Variants in SYT1 observed in about 807,000 individuals in gnomAD.
SYT1 encodes the protein synaptotagmin 1.
SYT1 carries 8 observed loss-of-function variants against 44.8 expected under a neutral mutation model. That is an observed-to-expected ratio of 0.18 (90% CI 0.10 to 0.32). SYT1 has a LOEUF of 0.32. Among genes scored for constraint, SYT1 ranks in the 10% least tolerant of loss-of-function variants. The pLI is 1.00. For missense variants in SYT1, 286 were observed against 509.3 expected (o/e 0.56, Z 4.22); for synonymous variants, 154 against 188.8 (o/e 0.82, Z 1.51).
intron 3 of SYT1, among the ~76,000 whole-genome samples, chr12:79,158,813 C>T (rs1409946727): frequency 6.6e-6 from 1 of 151,992 alleles, no homozygotes; most frequent in Non-Finnish European, 1.5e-5. Flanking sequence ...AGGAGAATCA[C>T]TTGAGCCCAG....
At position 79,391,711 on chromosome 12, in the gene SYT1, C is replaced by T. The variant is rs143380135; in HGVS notation, c.928+38092C>T. Among the ~76,000 whole-genome samples, 19 of 152,150 alleles carry T rather than the reference C, an allele frequency of 1.2e-4. No individual in the cohort carries two copies. In the East Asian group the frequency reaches 3.3e-3, roughly 26 times the overall value. The stretch of plus-strand genomic sequence containing the variant: ...CCGCCCCCCAACAGTTTTGAGTAGA[C>T]AGTAAGAATTACAAATGATTACACC... On this transcript the variant is annotated intron_variant, in intron 9 of 10. Coordinates refer to ENST00000261205, the MANE Select transcript of SYT1 (RefSeq NM_005639.3).
intron 1 of SYT1, among the ~76,000 whole-genome samples, chr12:78,916,851 C>G (rs1374580639): frequency 1.3e-5 from 2 of 151,878 alleles, no homozygotes; most frequent in Non-Finnish European, 2.9e-5. Context: ...CCTATGTACC[C>G]CCATTCTCAC....
rs117762229 is a variant in SYT1 at position 78,951,415 on chromosome 12, G to A, written c.-216-26384G>A. Among the ~76,000 whole-genome samples the A allele has an allele frequency of 5.5e-3, 840 of 152,212 alleles. 6 individuals carry two copies. The highest frequency in any genetic ancestry group is 8.4e-3 in the Non-Finnish European group (572 of 68,014). On this transcript the variant is annotated intron_variant, in intron 1 of 10. Coordinates refer to ENST00000261205, the MANE Select transcript of SYT1 (RefSeq NM_005639.3). ...AGTTACCAATATAGTAGGTAGGAAA[G>A]TTATATGGGCAAGGAATTGTTATAA...
intron 4 of SYT1, among the ~76,000 whole-genome samples, chr12:79,266,162 A>C (rs1439428234): frequency 6.6e-6 from 1 of 152,220 alleles, no homozygotes; most frequent in Admixed American, 6.5e-5. Context: ...AAGACTTAGC[A>C]TGTACTTAAC....
chr12:79,351,502 A>G (rs1882901222), intron 8 of SYT1, among the ~76,000 whole-genome samples: 2 of 151,992 alleles, frequency 1.3e-5, no homozygotes, highest in Admixed American at 6.6e-5. Flanking sequence ...CAGTTCCCCA[A>G]GGAGGCTATT....
intron 9 of SYT1, among the ~76,000 whole-genome samples, chr12:79,398,073 G>A (rs2136108128): frequency 6.6e-6 from 1 of 152,208 alleles, no homozygotes; most frequent in South Asian, 2.1e-4. Flanking sequence ...TTCTACATAT[G>A]TTTTTCCTGT....
chr12:79,117,623 T>C (rs956049817), intron 3 of SYT1, among the ~76,000 whole-genome samples: 1 of 133,988 alleles, frequency 7.5e-6, no homozygotes, highest in East Asian at 2.3e-4. Flanking sequence ...ACAGGACAGA[T>C]CACAGGACAG....
chr12:79,261,547 C>T (rs1877830858), intron 4 of SYT1, among the ~76,000 whole-genome samples: 1 of 152,146 alleles, frequency 6.6e-6, no homozygotes, highest in South Asian at 2.1e-4. Flanking sequence ...AAAGGAAGCA[C>T]AGCAAGTCTC....
intron 9 of SYT1, among the ~76,000 whole-genome samples, chr12:79,413,703 C>A (rs1868563695): frequency 6.6e-6 from 1 of 152,028 alleles, no homozygotes; most frequent in Non-Finnish European, 1.5e-5. Flanking sequence ...GTTTTTAAAC[C>A]TTTCCTCATG....
At chr12:78,994,649 C>T (rs949981952) in intron 2 of SYT1, among the ~76,000 whole-genome samples, 1 of 151,160 alleles carries the variant, frequency 6.6e-6, no homozygotes, top group Admixed American at 6.6e-5. Flanking sequence ...GATTCTCCTG[C>T]CTCAGCCTCC....
At chr12:79,431,009 G>A (rs117232794) in intron 9 of SYT1, among the ~76,000 whole-genome samples, 4 of 152,338 alleles carry the variant, frequency 2.6e-5, no homozygotes, top group Admixed American at 6.5e-5. Context: ...AATGAATTCT[G>A]TACCACAAAG....
Position 79,349,037 on chromosome 12 carries a change from G to GAAAGAAAGAA in SYT1, c.811-4463_811-4454dup, listed in dbSNP as rs1592989141. On this transcript the variant is annotated intron_variant, in intron 8 of 10. Coordinates refer to ENST00000261205, the MANE Select transcript of SYT1 (RefSeq NM_005639.3). ...AAAGAAAGAAAGAAAGAAAGAAAAA[G>GAAAGAAAGAA]AAAGAAAGAAAGAAAGAAAGGAGGG... Among the ~76,000 whole-genome samples the GAAAGAAAGAA allele has an allele frequency of 4.1e-3, 400 of 96,574 alleles. 3 individuals carry two copies. Among genetic ancestry groups the GAAAGAAAGAA allele is most frequent in the Admixed American group, 6.3e-3 (52 of 8,232 alleles). 63.4% of individuals were successfully genotyped at this position (96,574 alleles called of 152,430 possible). A position where few individuals can be genotyped will look rare whatever the true frequency, so the allele number is the denominator to read the frequency against.
At position 79,179,135 on chromosome 12, in the gene SYT1, G is replaced by T. The variant is rs868376750; in HGVS notation, c.-17-38368G>T. 1.3e-3 allele frequency among the ~76,000 whole-genome samples: 133 copies of T among 105,842 alleles called. 1 individual carries two copies. The highest frequency in any genetic ancestry group is 4.0e-3 in the African/African-American group (95 of 23,744). The allele number at this position is 105,842 out of a possible 152,430, so 69.4% of individuals were successfully genotyped here. ...ATATAGATATAGATATAGATATATA[G>T]ATATAGATATAGATATATAGATATA... On this transcript the variant is annotated intron_variant, in intron 3 of 10. Transcript: ENST00000261205.
chr12:79,445,250 T>TAATC (rs1384248268), intron 10 of SYT1, among the ~76,000 whole-genome samples: 22 of 152,124 alleles, frequency 1.4e-4, no homozygotes, highest in Non-Finnish European at 2.9e-5. Flanking sequence ...TAATGTATTG[T>TAATC]AATCAAATCA....
At chr12:79,254,479 G>T (rs867916836) in intron 4 of SYT1, among the ~76,000 whole-genome samples, 48 of 152,170 alleles carry the variant, frequency 3.2e-4, no homozygotes, top group Middle Eastern at 3.2e-3. Context: ...TGATGAAGAC[G>T]CAGGAGGAGA....
rs148497503 is a variant in SYT1 at position 78,883,591 on chromosome 12, G to A, written c.-217+18482G>A. On this transcript the variant is annotated intron_variant, in intron 1 of 10. Coordinates refer to ENST00000261205, the MANE Select transcript of SYT1 (RefSeq NM_005639.3). ...ATATGGTAATTTAAATGCTCATTTTGTCATGGACAATTAAGAGTGAAGAGA... is the reference window on the plus strand; with the variant it reads ...ATATGGTAATTTAAATGCTCATTTTATCATGGACAATTAAGAGTGAAGAGA... Among the ~76,000 whole-genome samples, 134 of 151,612 alleles carry A rather than the reference G, an allele frequency of 8.8e-4. 1 individual carries two copies. The highest frequency in any genetic ancestry group is 3.0e-3 in the African/African-American group (125 of 41,478).
At chr12:78,865,420 C>G (rs1044457359) in intron 1 of SYT1, among the ~76,000 whole-genome samples, 1 of 152,084 alleles carries the variant, frequency 6.6e-6, no homozygotes. Context: ...TTCTCTCTTT[C>G]TCTCCCACAC....
chr12:79,080,709 C>T (rs538561206), intron 3 of SYT1, among the ~76,000 whole-genome samples: 1 of 152,252 alleles, frequency 6.6e-6, no homozygotes, highest in South Asian at 2.1e-4. Flanking sequence ...TTTTTAGACT[C>T]TATTATCTTA....
chr12:79,078,143 G>A (rs1876787024), intron 3 of SYT1, among the ~76,000 whole-genome samples: 1 of 151,890 alleles, frequency 6.6e-6, no homozygotes, highest in Non-Finnish European at 1.5e-5. Context: ...TTACTCACTG[G>A]TCATTGTCCA....
Sources: gnomAD v4.1 joint callset for allele counts (sites outside exome capture counted in the v4.1 genomes callset) on GRCh38, gnomAD v4.1.1 for gene constraint, MANE v1.5 for transcripts, NCBI Gene and HGNC (gene_info 2026-07-23, HGNC 2026-07-21) for gene names.